EXD3: variants seen among roughly 807,000 people sequenced by gnomAD.
EXD3 encodes exonuclease mut-7 homolog.
EXD3 carries 92 observed loss-of-function variants against 98.0 expected under a neutral mutation model. That is an observed-to-expected ratio of 0.94 (90% confidence interval 0.79 to 1.12). The LOEUF (loss-of-function observed/expected upper bound fraction) is 1.12. Among genes scored for constraint, EXD3 ranks in the 50% most tolerant of loss-of-function variants. The pLI, the probability that EXD3 is intolerant of heterozygous loss-of-function variation, is 0.00. For missense variants in EXD3, 1,222 were observed against 1,191.6 expected, an observed-to-expected ratio of 1.03 and a Z score of -0.38; for synonymous variants, 569 against 526.0, an observed-to-expected ratio of 1.08 and a Z score of -1.12.
At position 137,307,188 on chromosome 9, in the gene EXD3, C is replaced by T. The variant is rs774262529; in HGVS notation, c.2393G>A (p.Arg798Gln). ...GGCCAGCATGTCCGGTGTCTCCGCC[C>T]GCAGGTCAGCCATCTGCAGCCAGCG... is the stretch of plus-strand genomic sequence containing the variant. ...PCRWLQMADL[R>Q]AETPDMLADG... Residue 798 changes from arginine to glutamine, a missense_variant, in exon 22 of 22, where the codon CGG becomes CAG. Arg to Gln is a conservative substitution (Grantham distance 43). Transcript: ENST00000340951. The T allele has an allele frequency of 1.5e-5, 23 of 1,584,850 alleles. No individual in the cohort carries two copies. Among genetic ancestry groups the T allele is most frequent in the South Asian group, 3.4e-5 (3 of 87,650 alleles).
intron 19 of EXD3, among the ~76,000 whole-genome samples, chr9:137,315,795 C>G (rs1298472142): frequency 6.6e-6 from 1 of 151,996 alleles, no homozygotes; most frequent in East Asian, 1.9e-4. Flanking sequence ...TCAGGAGCCC[C>G]AGACCCCACT....
Position 137,337,933 on chromosome 9 carries a change from G to A in EXD3, c.1998+10138C>T, listed in dbSNP as rs182030029. ...CTCCCGAGTAGCTGGGACTACAGGC[G>A]CCCACCACCATGCCCAGCTAATTTT... On this transcript the variant is annotated intron_variant, in intron 17 of 21. Coordinates refer to ENST00000340951, the MANE Select transcript of EXD3 (RefSeq NM_017820.5). Among the ~76,000 whole-genome samples the A allele has an allele frequency of 5.3e-3, 811 of 151,870 alleles. 10 individuals carry two copies. Among genetic ancestry groups the A allele is most frequent in the African/African-American group, 0.019 (771 of 41,462 alleles).
At chr9:137,383,570 C>G (rs1250989528) in intron 2 of EXD3, among the ~76,000 whole-genome samples, 193 bp from the exon 3 acceptor site, 1 of 152,190 alleles carries the variant, frequency 6.6e-6, no homozygotes, top group East Asian at 1.9e-4. Context: ...CCACCCTGTT[C>G]CTTCCCTGTG....
intron 17 of EXD3, among the ~76,000 whole-genome samples, chr9:137,331,331 T>A (rs1417198590): frequency 6.6e-6 from 1 of 151,986 alleles, no homozygotes; most frequent in East Asian, 1.9e-4. Flanking sequence ...ACAGTCCCCC[T>A]GAGAACTGCA....
At position 137,353,710 on chromosome 9, in the gene EXD3, C is replaced by T. The variant is rs980964993; in HGVS notation, c.870+629G>A. The T allele has an allele frequency of 3.0e-6, 3 of 985,460 alleles. No individual in the cohort carries two copies. In the African/African-American group the frequency reaches 5.2e-5, roughly 17 times the overall value. The allele number at this position is 985,460 out of a possible 1,614,324, so 61.0% of individuals were successfully genotyped here. On this transcript the variant is annotated intron_variant, in intron 10 of 21. Transcript: ENST00000340951. ...CCAGCACAAGCGAGGGTCTCCCTCC[C>T]CGCAAGGTCCTGGAGTCCATGGGTC...
At chr9:137,325,814 G>T (rs895060952) in intron 17 of EXD3, among the ~76,000 whole-genome samples, 4 of 152,160 alleles carry the variant, frequency 2.6e-5, no homozygotes, top group African/African-American at 9.7e-5. Flanking sequence ...AAGAGGCTGG[G>T]CAAGGCGGCT....
chr9:137,353,646 G>T (rs931384231), intron 10 of EXD3: 6 of 985,800 alleles, frequency 6.1e-6, no homozygotes, highest in Non-Finnish European at 7.2e-6. Flanking sequence ...GCACCTACAG[G>T]CCTGCGGGAC....
intron 17 of EXD3, among the ~76,000 whole-genome samples, chr9:137,338,810 G>A (rs534396142): frequency 6.6e-4 from 100 of 150,402 alleles, no homozygotes; most frequent in Non-Finnish European, 1.1e-3. Context: ...GGAGAATGGC[G>A]TGAACCCGGG....
At chr9:137,398,060 A>G (rs1837296043) in intron 1 of EXD3, among the ~76,000 whole-genome samples, 1 of 152,270 alleles carries the variant, frequency 6.6e-6, no homozygotes, top group Non-Finnish European at 1.5e-5. Context: ...TCGGCAATAA[A>G]AAGTGTCATC....
In EXD3 at chr9:137,312,042, C is replaced by T. The variant is rs553914347; in HGVS notation, c.2185-2342G>A. Among the ~76,000 whole-genome samples, 54 of 152,286 alleles carry T rather than the reference C, an allele frequency of 3.5e-4. 1 individual carries two copies. The South Asian group carries it at 7.7e-3, about 22-fold the overall frequency. On this transcript the variant is annotated intron_variant, in intron 19 of 21. Transcript: ENST00000340951. The stretch of plus-strand genomic sequence containing the variant: ...AGGGCTTGCTGAGTCACAGGGCACT[C>T]GGCGGGCCAGGACTCCATGCCAGGG...
rs551351835 is a variant in EXD3 at position 137,422,926 on chromosome 9, C to A, written c.-48+188G>T. ...CTGCTCGGCGGCCTCCGGAGCGGGG[C>A]CCTGCGGGAGAACGCACCTTCCCCG... On this transcript the variant is annotated intron_variant, in intron 1 of 21. Transcript: ENST00000340951. Among the ~76,000 whole-genome samples, 471 of 152,208 alleles carry A rather than the reference C, an allele frequency of 3.1e-3. 4 individuals carry two copies. In the Middle Eastern group the frequency reaches 0.045, roughly 14 times the overall value.
chr9:137,373,441 G>A lies in EXD3; in HGVS notation c.279C>T (p.Cys93=). ...ATGGGCTCACCTGGGCCAGGCTCGG[G>A]CATGGCTGTGCCTGTAGCCAGCACT... ...QLQCWLQAQP[C]PSLAQHSLRL... Residue 93 remains cysteine, a synonymous_variant, in exon 4 of 22, where the codon TGC becomes TGT. Transcript: ENST00000340951. The A allele has an allele frequency of 1.2e-6, 2 of 1,607,736 alleles. No homozygotes were observed. The highest frequency in any genetic ancestry group is 1.1e-5 in the South Asian group (1 of 90,728).
chr9:137,376,480 C>T (rs897021695), intron 3 of EXD3, among the ~76,000 whole-genome samples: 4 of 152,000 alleles, frequency 2.6e-5, no homozygotes, highest in African/African-American at 9.7e-5. Flanking sequence ...AGGAGGCCGC[C>T]TCGAGAGACA....
chr9:137,387,868 C>T (rs1197247517), intron 2 of EXD3, among the ~76,000 whole-genome samples: 3 of 152,200 alleles, frequency 2.0e-5, no homozygotes, highest in South Asian at 2.1e-4. Context: ...TGGCCCCCAC[C>T]TCCACACCCA....
chr9:137,318,173 GC>G (rs1831802510), intron 19 of EXD3, among the ~76,000 whole-genome samples: 2 of 152,196 alleles, frequency 1.3e-5, no homozygotes, highest in South Asian at 4.1e-4. Context: ...AACGCTGGGG[GC>G]AGCTGTCCTG....
rs186758054 is a variant in EXD3, at chr9:137,420,722, G to A, written c.-48+2392C>T. Among the ~76,000 whole-genome samples, 42 of 149,030 alleles carry A rather than the reference G, an allele frequency of 2.8e-4. 1 individual carries two copies. The East Asian group carries it at 8.2e-3, about 29-fold the overall frequency. On this transcript the variant is annotated intron_variant, in intron 1 of 21. Transcript: ENST00000340951. ...GGAACTTCAAGATAGTTTGGGACCT[G>A]GAGGACAGACATTCACCCCCCCCCC...
At chr9:137,390,060 T>C (rs996381530) in intron 2 of EXD3, among the ~76,000 whole-genome samples, 2 of 130,188 alleles carry the variant, frequency 1.5e-5, no homozygotes, top group Non-Finnish European at 3.1e-5. Context: ...AGGTGGAGGT[T>C]GCAGTGAGCC....
intron 1 of EXD3, among the ~76,000 whole-genome samples, chr9:137,396,787 C>T (rs749818146): frequency 1.1e-4 from 17 of 152,254 alleles, no homozygotes; most frequent in East Asian, 1.9e-4. Flanking sequence ...GCTCCACCGT[C>T]GGGGAGGGAC....
chr9:137,355,261 C>G (rs1039580087), intron 8 of EXD3, among the ~76,000 whole-genome samples: 1 of 152,178 alleles, frequency 6.6e-6, no homozygotes, highest in Non-Finnish European at 1.5e-5. Context: ...GGGAGGGCAC[C>G]ACAGTCTGGC....
Sources: allele counts gnomAD v4.1 joint callset (sites outside exome capture counted in the v4.1 genomes callset), GRCh38; gene constraint gnomAD v4.1.1; transcripts MANE v1.5; gene names NCBI Gene and HGNC (gene_info 2026-07-23, HGNC 2026-07-21).